The following THSD7B variants were observed in gnomAD, a reference collection of about 807,000 sequenced individuals.
THSD7B encodes thrombospondin type 1 domain containing 7B, also known as thrombospondin type-1 domain-containing protein 7B.
A neutral mutation model predicts 213.6 loss-of-function variants in THSD7B; 138 were observed. That is an observed-to-expected ratio of 0.65 (90% confidence interval 0.56 to 0.74). The LOEUF is 0.74. Ranked by LOEUF, THSD7B falls within the 30% of genes least tolerant of loss-of-function variation. The pLI is 0.00. For missense variants in THSD7B, 1,931 were observed against 1,991.5 expected, an observed-to-expected ratio of 0.97 and a Z score of 0.58; for synonymous variants, 742 against 687.0, an observed-to-expected ratio of 1.08 and a Z score of -1.25.
chr2:137,381,822 C>T (rs1231173291), intron 12 of THSD7B, among the ~76,000 whole-genome samples: 1 of 152,236 alleles, frequency 6.6e-6, no homozygotes, highest in East Asian at 1.9e-4. Context: ...CCAGTCCCAC[C>T]CAGGGACTTC....
chr2:136,895,183 C>T (rs969174261), intron 2 of THSD7B, among the ~76,000 whole-genome samples: 1 of 152,052 alleles, frequency 6.6e-6, no homozygotes, highest in Admixed American at 6.6e-5. Context: ...TTTTGTTTCT[C>T]TTATATAGGC....
At chr2:136,884,252 G>A (rs1378190042) in intron 2 of THSD7B, among the ~76,000 whole-genome samples, 1 of 152,230 alleles carries the variant, frequency 6.6e-6, no homozygotes, top group Non-Finnish European at 1.5e-5. Flanking sequence ...TGAGCAGTGT[G>A]TAAGGACAGG....
chr2:137,151,278 C>T (rs1679813763), intron 5 of THSD7B, among the ~76,000 whole-genome samples: 2 of 152,084 alleles, frequency 1.3e-5, no homozygotes, highest in African/African-American at 2.4e-5. Context: ...TTTCATCTTA[C>T]CCTTTCTGTA....
Position 137,057,047 on chromosome 2 carries a change from T to C in THSD7B, c.767T>C (p.Leu256Pro). ...GPWSKCRLPH[L>P]KEINPSGRTV... is the part of the protein sequence containing the mutation. The stretch of plus-strand genomic sequence containing the variant: ...TGGAGTAAATGCAGACTGCCTCATC[T>C]TAAAGAAATTAATCCAAGCGGAAGA... The change falls in exon 3 of 28, where the codon CTT becomes CCT. Residue 256 changes from leucine to proline, a missense_variant. By Grantham distance (98) the Leu-to-Pro change is moderately conservative. Transcript: ENST00000409968. The C allele has an allele frequency of 6.2e-7, 1 of 1,613,962 alleles. No individual in the cohort carries two copies. Among genetic ancestry groups the C allele is most frequent in the Non-Finnish European group, 8.5e-7 (1 of 1,179,900 alleles).
chr2:137,337,534 G>GT (rs1276346460), intron 12 of THSD7B, among the ~76,000 whole-genome samples: 1 of 152,026 alleles, frequency 6.6e-6, no homozygotes, highest in East Asian at 1.9e-4. Flanking sequence ...CCACCGTTAA[G>GT]TGACAAATTT....
At chr2:137,568,508 A>G (rs994605841) in intron 16 of THSD7B, among the ~76,000 whole-genome samples, 5 of 152,162 alleles carry the variant, frequency 3.3e-5, no homozygotes, top group African/African-American at 1.2e-4. Flanking sequence ...CTATAAAGAA[A>G]TACCCGAGAC....
intron 2 of THSD7B, among the ~76,000 whole-genome samples, chr2:136,943,557 A>G (rs765690994): frequency 6.6e-5 from 10 of 152,118 alleles, no homozygotes; most frequent in Admixed American, 1.3e-4. Context: ...CTCAATTTCA[A>G]AGCCTGTTAT....
At chr2:137,275,716 T>C (rs1338820051) in intron 11 of THSD7B, among the ~76,000 whole-genome samples, 3 of 152,128 alleles carry the variant, frequency 2.0e-5, no homozygotes, top group African/African-American at 7.2e-5. Flanking sequence ...TCAAAAACAC[T>C]GAATTACTGC....
chr2:137,081,610 T>G (rs1687748938), intron 3 of THSD7B, among the ~76,000 whole-genome samples: 1 of 152,184 alleles, frequency 6.6e-6, no homozygotes, highest in Non-Finnish European at 1.5e-5. Context: ...GGTGTATGTT[T>G]TAGTCATATC....
rs898405823 is a variant in THSD7B at position 137,539,637 on chromosome 2, T to A, written c.3139-23584T>A. ...AAAATTAAATATTCACATCATAATCTCATATTTAACTTCCAAGATTGTTAT... is the reference window on the plus strand; with the variant it reads ...AAAATTAAATATTCACATCATAATCACATATTTAACTTCCAAGATTGTTAT... On this transcript the variant is annotated intron_variant, in intron 15 of 27. Coordinates refer to ENST00000409968, the MANE Select transcript of THSD7B (RefSeq NM_001316349.2). Among the ~76,000 whole-genome samples the A allele has an allele frequency of 4.0e-5, 6 of 151,852 alleles. No homozygotes were observed. The East Asian group carries it at 5.8e-4, about 15-fold the overall frequency.
intron 1 of THSD7B, among the ~76,000 whole-genome samples, chr2:136,791,799 TTA>T (rs1179329089): frequency 1.3e-5 from 2 of 152,088 alleles, no homozygotes; most frequent in African/African-American, 2.4e-5. Flanking sequence ...TGGTGAACAT[TTA>T]TATGTTTCTG....
intron 20 of THSD7B, among the ~76,000 whole-genome samples, chr2:137,625,183 G>A (rs1682599250): frequency 6.6e-6 from 1 of 152,014 alleles, no homozygotes; most frequent in South Asian, 2.1e-4. Context: ...TAGGATTATG[G>A]ATGAAGCTGG....
intron 1 of THSD7B, among the ~76,000 whole-genome samples, chr2:136,768,465 T>G (rs1312515066): frequency 6.6e-6 from 1 of 152,254 alleles, no homozygotes; most frequent in Non-Finnish European, 1.5e-5. Context: ...GGCATTAAAG[T>G]AATAACATTA....
intron 15 of THSD7B, chr2:137,479,568 C>T (rs944718596): frequency 1.5e-5 from 4 of 262,218 alleles, no homozygotes; most frequent in South Asian, 9.0e-5. Flanking sequence ...TATGCTTTGG[C>T]CCCAGTTAGT....
At chr2:136,956,401 T>C (rs1267869290) in intron 2 of THSD7B, among the ~76,000 whole-genome samples, 3 of 152,170 alleles carry the variant, frequency 2.0e-5, no homozygotes, top group African/African-American at 7.2e-5. Flanking sequence ...GCCTTACAAG[T>C]TTTTCCATAG....
At chr2:137,352,485 C>T (rs1171386575) in intron 12 of THSD7B, among the ~76,000 whole-genome samples, 1 of 152,018 alleles carries the variant, frequency 6.6e-6, no homozygotes, top group Non-Finnish European at 1.5e-5. Flanking sequence ...GGTTAAGCCA[C>T]TTAGTCCTCC....
chr2:137,604,096 C>G (rs1682125258), intron 17 of THSD7B, among the ~76,000 whole-genome samples: 1 of 151,606 alleles, frequency 6.6e-6, no homozygotes, highest in South Asian at 2.1e-4. Flanking sequence ...GAGACTCTAT[C>G]TCGAAAAAAA....
chr2:137,345,630 T>C (rs1684860405), intron 12 of THSD7B, among the ~76,000 whole-genome samples: 1 of 151,286 alleles, frequency 6.6e-6, no homozygotes, highest in Non-Finnish European at 1.5e-5. Flanking sequence ...AATATGGTAT[T>C]AAAGAAATAA....
chr2:136,953,289 T>A (rs1685070952), intron 2 of THSD7B, among the ~76,000 whole-genome samples: 1 of 152,118 alleles, frequency 6.6e-6, no homozygotes, highest in Admixed American at 6.5e-5. Context: ...TTTATTGGAT[T>A]TCAAGGCTAG....
Sources: gnomAD v4.1 joint callset for allele counts (sites outside exome capture counted in the v4.1 genomes callset) on GRCh38, gnomAD v4.1.1 for gene constraint, MANE v1.5 for transcripts, NCBI Gene and HGNC (gene_info 2026-07-23, HGNC 2026-07-21) for gene names.